Variants in SCAPER observed in about 807,000 individuals in gnomAD.
SCAPER encodes the protein S phase cyclin A-associated protein in the endoplasmic reticulum.
Under a neutral mutation model 182.2 loss-of-function variants are expected in SCAPER, and 98 were observed. The observed-to-expected ratio is 0.54, with a 90% CI of 0.46 to 0.64. The LOEUF (loss-of-function observed/expected upper bound fraction) is 0.64. Among genes scored for constraint, SCAPER ranks in the 30% least tolerant of loss-of-function variants. SCAPER has a pLI of 0.00. For missense variants in SCAPER, 1,432 were observed against 1,690.0 expected, an observed-to-expected ratio of 0.85 and a Z score of 2.68; for synonymous variants, 605 against 564.6, an observed-to-expected ratio of 1.07 and a Z score of -1.01.
At chr15:76,708,917 T>C (rs1423630735) in intron 17 of SCAPER, among the ~76,000 whole-genome samples, 2 of 151,606 alleles carry the variant, frequency 1.3e-5, no homozygotes, top group African/African-American at 4.8e-5. Context: ...AATACAAAAA[T>C]CAGCCAGGAG....
intron 30 of SCAPER, among the ~76,000 whole-genome samples, 151 bp from the exon 31 acceptor site, chr15:76,351,439 T>C (rs2040542898): frequency 6.6e-6 from 1 of 152,252 alleles, no homozygotes. Flanking sequence ...TGATGTTACG[T>C]AGTGCAGGTT....
chr15:76,532,870 G>C (rs1207115642), intron 23 of SCAPER, among the ~76,000 whole-genome samples: 2 of 152,164 alleles, frequency 1.3e-5, no homozygotes, highest in African/African-American at 2.4e-5. Flanking sequence ...AACAGCAAGG[G>C]AGGGCCATGA....
At chr15:76,667,741 G>C (rs1410943675) in intron 20 of SCAPER, among the ~76,000 whole-genome samples, 2 of 150,536 alleles carry the variant, frequency 1.3e-5, no homozygotes, top group Non-Finnish European at 3.0e-5. Flanking sequence ...TCACTTGAGG[G>C]CAAGAGTTCG....
At position 76,369,850 on chromosome 15, in the gene SCAPER, A is replaced by C. The variant is rs114602839; in HGVS notation, c.3855+6312T>G. Among the ~76,000 whole-genome samples the C allele has an allele frequency of 8.3e-3, 1,268 of 152,304 alleles. 12 individuals are homozygous for C. Among genetic ancestry groups the C allele is most frequent in the African/African-American group, 0.029 (1,203 of 41,552 alleles). ...GCCCTTGCCCCGCAGCCTGACTGGCATGGAGTACAGCCATGAGCTGGGGAG... is the reference window on the plus strand; with the variant it reads ...GCCCTTGCCCCGCAGCCTGACTGGCCTGGAGTACAGCCATGAGCTGGGGAG... On this transcript the variant is annotated intron_variant, in intron 29 of 31. Transcript: ENST00000563290.
At chr15:76,559,533 C>T (rs1298238335) in intron 23 of SCAPER, among the ~76,000 whole-genome samples, 2 of 152,138 alleles carry the variant, frequency 1.3e-5, no homozygotes, top group Non-Finnish European at 2.9e-5. Flanking sequence ...TTATAAATTG[C>T]CCAATATGTG....
intron 24 of SCAPER, among the ~76,000 whole-genome samples, chr15:76,484,509 C>G (rs2051425860): frequency 6.6e-6 from 1 of 151,958 alleles, no homozygotes; most frequent in African/African-American, 2.4e-5. Context: ...AATAGCCTAC[C>G]AACTAAAAAG....
intron 27 of SCAPER, among the ~76,000 whole-genome samples, chr15:76,394,759 T>A (rs1372662565): frequency 1.3e-5 from 2 of 152,214 alleles, no homozygotes; most frequent in Non-Finnish European, 2.9e-5. Flanking sequence ...CTGAGATATT[T>A]TGATACGAGC....
intron 17 of SCAPER, among the ~76,000 whole-genome samples, chr15:76,725,150 G>C (rs910005538): frequency 2.0e-5 from 3 of 151,908 alleles, no homozygotes; most frequent in Non-Finnish European, 4.4e-5. Context: ...ATTTATAATT[G>C]TATAACAGGA....
intron 17 of SCAPER, among the ~76,000 whole-genome samples, chr15:76,719,898 T>G (rs2060106742): frequency 6.6e-6 from 1 of 152,032 alleles, no homozygotes; most frequent in Admixed American, 6.6e-5. Context: ...TTATTGTGGT[T>G]GCTGAAACAA....
chr15:76,854,972 A>C (rs1212917993), intron 4 of SCAPER, among the ~76,000 whole-genome samples: 1 of 128,188 alleles, frequency 7.8e-6, no homozygotes, highest in African/African-American at 2.9e-5. Context: ...ACTCCGTCCC[A>C]AAAAAAAATA....
chr15:76,617,175 G>A (rs147162665), intron 22 of SCAPER, among the ~76,000 whole-genome samples: 9 of 152,134 alleles, frequency 5.9e-5, no homozygotes, highest in East Asian at 3.9e-4. Flanking sequence ...AAAGTCATCC[G>A]TCTTTTCTTC....
intron 27 of SCAPER, among the ~76,000 whole-genome samples, chr15:76,397,748 A>AT (rs2044179747): frequency 6.6e-6 from 1 of 152,072 alleles, no homozygotes. Flanking sequence ...AAGTGCTGGG[A>AT]TTACAGGTGT....
At chr15:76,651,766 T>C (rs986504545) in intron 21 of SCAPER, among the ~76,000 whole-genome samples, 1 of 150,978 alleles carries the variant, frequency 6.6e-6, no homozygotes, top group Non-Finnish European at 1.5e-5. Context: ...TATCTCATTC[T>C]ATGAAGCTAG....
intron 20 of SCAPER, among the ~76,000 whole-genome samples, chr15:76,689,518 G>A (rs2058229956): frequency 6.6e-6 from 1 of 151,826 alleles, no homozygotes; most frequent in Non-Finnish European, 1.5e-5. Context: ...ATTGACTCAA[G>A]AACACCTGGA....
At chr15:76,622,895 G>A (rs531846562) in intron 21 of SCAPER, among the ~76,000 whole-genome samples, 85 of 152,308 alleles carry the variant, frequency 5.6e-4, no homozygotes, top group African/African-American at 2.0e-3. Context: ...CCAATGAAAG[G>A]TGGCTGGATC....
intron 17 of SCAPER, among the ~76,000 whole-genome samples, chr15:76,707,736 A>G (rs1598287419): frequency 6.6e-6 from 1 of 152,138 alleles, no homozygotes; most frequent in South Asian, 2.1e-4. Context: ...CCAGACAACA[A>G]TATCAATTAC....
intron 28 of SCAPER, chr15:76,379,874 C>A (rs980722854): frequency 6.6e-6 from 1 of 152,112 alleles, no homozygotes; most frequent in Non-Finnish European, 1.5e-5. Context: ...GAGCAGGGAC[C>A]TAGGGCTCCC....
chr15:76,732,333 A>G (rs986827674), intron 16 of SCAPER, among the ~76,000 whole-genome samples: 12 of 152,200 alleles, frequency 7.9e-5, no homozygotes, highest in African/African-American at 2.4e-4. Flanking sequence ...ATATATGAAT[A>G]TCATTAATCA....
In SCAPER at chr15:76,723,097, T is replaced by G. The variant is rs1359418650; in HGVS notation, c.2165+5498A>C. Reference sequence around the variant, plus strand: ...ATAAATTTCCCTCTACACACTGCTTTGAATGTGTCCCAGAGATTTTGGTAT... The same window carrying G: ...ATAAATTTCCCTCTACACACTGCTTGGAATGTGTCCCAGAGATTTTGGTAT... On this transcript the variant is annotated intron_variant, in intron 17 of 31. Coordinates refer to ENST00000563290, the MANE Select transcript of SCAPER (RefSeq NM_020843.4). Among the ~76,000 whole-genome samples, 3 of 152,204 alleles carry G rather than the reference T, an allele frequency of 2.0e-5. No individual in the cohort carries two copies. In the East Asian group the frequency reaches 5.8e-4, roughly 29 times the overall value.
Sources: gnomAD v4.1 joint callset for allele counts (sites outside exome capture counted in the v4.1 genomes callset) on GRCh38, gnomAD v4.1.1 for gene constraint, MANE v1.5 for transcripts, NCBI Gene and HGNC (gene_info 2026-07-23, HGNC 2026-07-21) for gene names.